Variants in SLC16A10 observed in about 807,000 individuals in gnomAD.
The protein encoded by SLC16A10 is solute carrier family 16 member 10, also known as monocarboxylate transporter 10.
In SLC16A10, 27 loss-of-function variants were observed where a neutral mutation model predicts 40.0. The observed-to-expected ratio is 0.67, with a 90% CI of 0.50 to 0.93. The LOEUF is 0.93. SLC16A10 is among the 40% of genes least tolerant of loss of function. The probability of loss-of-function intolerance (pLI) is 0.00; values close to 1 mark genes in which losing one functional copy is unlikely to be tolerated. For synonymous variants in SLC16A10, 213 were observed against 249.8 expected (o/e 0.85, Z 1.39); for missense variants, 529 against 658.2 (o/e 0.80, Z 2.15).
chr6:111,173,093 A>G (rs1772618131), intron 2 of SLC16A10, among the ~76,000 whole-genome samples: 1 of 152,192 alleles, frequency 6.6e-6, no homozygotes, highest in South Asian at 2.1e-4. Flanking sequence ...GCATGGAAAA[A>G]TGTTTCTCCT....
intron 1 of SLC16A10, among the ~76,000 whole-genome samples, chr6:111,122,139 G>A (rs1205923612): frequency 4.6e-5 from 7 of 152,190 alleles, no homozygotes; most frequent in East Asian, 3.9e-4. Flanking sequence ...GGGATCAGGC[G>A]TCTGTGACTC....
chr6:111,120,977 G>A (rs1181143997), intron 1 of SLC16A10, among the ~76,000 whole-genome samples: 1 of 152,042 alleles, frequency 6.6e-6, no homozygotes, highest in African/African-American at 2.4e-5. Context: ...TGGGTAGATA[G>A]CAGCCAAGTA....
intron 1 of SLC16A10, among the ~76,000 whole-genome samples, chr6:111,143,846 G>A (rs969667660): frequency 1.3e-5 from 2 of 152,096 alleles, no homozygotes; most frequent in African/African-American, 4.8e-5. Flanking sequence ...CTTTGGGGCT[G>A]GGCATGGTGA....
Position 111,088,011 on chromosome 6 carries a change from A to G in SLC16A10, c.259A>G (p.Ile87Val). 6.2e-7 allele frequency: 1 copy of G among 1,610,300 alleles called. No homozygotes were observed. Among genetic ancestry groups the G allele is most frequent in the Non-Finnish European group, 8.5e-7 (1 of 1,178,348 alleles). ...AMWCNGSVFG[I>V]QNACGVLFVS... ...GTGGTGCAACGGGTCGGTGTTCGGCATCCAGAACGCTTGCGGGGTGCTCTT... is the reference window on the plus strand; with the variant it reads ...GTGGTGCAACGGGTCGGTGTTCGGCGTCCAGAACGCTTGCGGGGTGCTCTT... The change falls in exon 1 of 6, where the codon ATC (isoleucine) becomes GTC (valine). Residue 87 changes from isoleucine to valine, a missense_variant. Physicochemically the swap from Ile to Val is conservative, Grantham distance 29. Transcript: ENST00000368851.
At chr6:111,205,201 G>C (rs555212955) in intron 3 of SLC16A10, among the ~76,000 whole-genome samples, 3 of 152,308 alleles carry the variant, frequency 2.0e-5, no homozygotes, top group African/African-American at 7.2e-5. Context: ...AGAAAAAGGA[G>C]ATGGTGTTGG....
intron 3 of SLC16A10, 27 bp from the exon 4 acceptor site, chr6:111,206,565 T>C: frequency 6.2e-7 from 1 of 1,613,454 alleles, no homozygotes; most frequent in Admixed American, 1.7e-5. Flanking sequence ...CCATATTCAG[T>C]GTGGTTTCTT....
In SLC16A10 at chr6:111,220,106, C is replaced by T. The variant is rs768609053; in HGVS notation, c.1315+1064C>T. ...TGTCTCAAAATAAAAGGTCATATATCGTATGATTTATTTCATGTGAAATAT... is the reference window on the plus strand; with the variant it reads ...TGTCTCAAAATAAAAGGTCATATATTGTATGATTTATTTCATGTGAAATAT... On this transcript the variant is annotated intron_variant, in intron 5 of 5. Coordinates refer to ENST00000368851, the MANE Select transcript of SLC16A10 (RefSeq NM_018593.5). Among the ~76,000 whole-genome samples, 56 of 152,044 alleles carry T rather than the reference C, an allele frequency of 3.7e-4. 1 individual carries two copies. Among genetic ancestry groups the T allele is most frequent in the African/African-American group, 9.7e-4 (40 of 41,394 alleles).
At chr6:111,094,775 C>T (rs572940958) in intron 1 of SLC16A10, among the ~76,000 whole-genome samples, 2 of 152,200 alleles carry the variant, frequency 1.3e-5, no homozygotes, top group Non-Finnish European at 2.9e-5. Context: ...GTAGCTGCAA[C>T]ACCAGGCACA....
intron 5 of SLC16A10, among the ~76,000 whole-genome samples, chr6:111,220,389 C>T (rs918330733): frequency 2.6e-5 from 4 of 152,272 alleles, no homozygotes; most frequent in Non-Finnish European, 5.9e-5. Flanking sequence ...ATAAAGATGT[C>T]CTATGTTCAG....
intron 4 of SLC16A10, among the ~76,000 whole-genome samples, chr6:111,213,239 C>T (rs188256544): frequency 1.2e-4 from 18 of 152,230 alleles, no homozygotes; most frequent in African/African-American, 3.4e-4. Flanking sequence ...TGCACAGGAA[C>T]GCTCTGGAAG....
At chr6:111,140,565 C>T (rs894267807) in intron 1 of SLC16A10, among the ~76,000 whole-genome samples, 1 of 152,084 alleles carries the variant, frequency 6.6e-6, no homozygotes, top group African/African-American at 2.4e-5. Flanking sequence ...CTAAAGTACT[C>T]ACATACCCTA....
At chr6:111,167,081 C>T (rs1453323371) in intron 1 of SLC16A10, among the ~76,000 whole-genome samples, 1 of 152,148 alleles carries the variant, frequency 6.6e-6, no homozygotes, top group Non-Finnish European at 1.5e-5. Flanking sequence ...AGAGAAATCT[C>T]TTATTTGTTT....
chr6:111,139,375 C>T (rs1771940366), intron 1 of SLC16A10, among the ~76,000 whole-genome samples: 2 of 152,000 alleles, frequency 1.3e-5, no homozygotes, highest in Non-Finnish European at 2.9e-5. Context: ...GATCTCGGCT[C>T]ACTGCACCCT....
intron 1 of SLC16A10, among the ~76,000 whole-genome samples, chr6:111,131,001 A>C (rs1771771311): frequency 6.6e-6 from 1 of 152,244 alleles, no homozygotes; most frequent in Non-Finnish European, 1.5e-5. Context: ...AAAACACTTA[A>C]AACAGTGACT....
In SLC16A10 at chr6:111,087,848, C is replaced by G; in HGVS notation, c.96C>G (p.Gly32=). 7.1e-7 allele frequency: 1 copy of G among 1,418,266 alleles called. No individual in the cohort carries two copies. The highest frequency in any genetic ancestry group is 9.1e-7 in the Non-Finnish European group (1 of 1,094,750). 87.9% of individuals were successfully genotyped at this position (1,418,266 alleles called of 1,614,324 possible). Residue 32 remains glycine, a synonymous_variant, in exon 1 of 6, where the codon GGC becomes GGG. Coordinates refer to ENST00000368851, the MANE Select transcript of SLC16A10 (RefSeq NM_018593.5). ...CCACGGGGGCCGCTCCGCCGCCCGG[C>G]CCGGGACCCTCGGACAGCCCCGAGG... The part of the protein sequence containing the change: ...PAPTGAAPPP[G]PGPSDSPEAA...
chr6:111,199,879 G>A (rs1385039391), intron 3 of SLC16A10, among the ~76,000 whole-genome samples: 2 of 151,040 alleles, frequency 1.3e-5, no homozygotes, highest in African/African-American at 2.4e-5. Flanking sequence ...TTTAGAGTTA[G>A]AAATGTTTTC....
chr6:111,092,424 A>G (rs1006159438), intron 1 of SLC16A10, among the ~76,000 whole-genome samples: 2 of 150,362 alleles, frequency 1.3e-5, no homozygotes, highest in Non-Finnish European at 3.0e-5. Context: ...GATGCAAGCA[A>G]TTCTGCCTCA....
intron 1 of SLC16A10, among the ~76,000 whole-genome samples, chr6:111,152,761 T>G (rs575436986): frequency 2.0e-5 from 3 of 152,224 alleles, no homozygotes; most frequent in Non-Finnish European, 4.4e-5. Flanking sequence ...GGATACAGCC[T>G]TCTTTGAGGA....
intron 1 of SLC16A10, among the ~76,000 whole-genome samples, chr6:111,120,669 A>G (rs888918086): frequency 5.3e-5 from 8 of 152,238 alleles, no homozygotes; most frequent in Non-Finnish European, 1.5e-5. Flanking sequence ...ATTGGTCCAG[A>G]TGACTTTCAC....
Sources: gnomAD v4.1 joint callset for allele counts (sites outside exome capture counted in the v4.1 genomes callset) on GRCh38, gnomAD v4.1.1 for gene constraint, MANE v1.5 for transcripts, NCBI Gene and HGNC (gene_info 2026-07-23, HGNC 2026-07-21) for gene names.